The following NDUFA9 variants were observed in gnomAD, a reference collection of about 807,000 sequenced individuals.
The protein encoded by NDUFA9 is NADH dehydrogenase [ubiquinone] 1 alpha subcomplex subunit 9, mitochondrial.
In NDUFA9, 23 loss-of-function variants were observed where a neutral mutation model predicts 45.9. That is an observed-to-expected ratio of 0.50 (90% CI 0.36 to 0.71). The LOEUF (loss-of-function observed/expected upper bound fraction) is 0.71. Among genes scored for constraint, NDUFA9 ranks in the 30% least tolerant of loss-of-function variants. NDUFA9 has a pLI of 0.00. For missense variants in NDUFA9, 466 were observed against 488.2 expected (o/e 0.95, Z 0.43); for synonymous variants, 176 against 170.5 (o/e 1.03, Z -0.25).
rs1211563139 is a variant in NDUFA9 at position 4,691,237 on chromosome 12, C to T, written c.*4129C>T. ...AGATCATGCATGTAAAATGCTGAGC[C>T]CTGCACATAATAAGAACTAAGTAAA... On this transcript the variant is annotated 3_prime_UTR_variant, in exon 11 of 11. Coordinates refer to ENST00000266544, the MANE Select transcript of NDUFA9 (RefSeq NM_005002.5). 6.6e-6 allele frequency: 1 copy of T among 152,036 alleles called. No individual in the cohort carries two copies. The highest frequency in any genetic ancestry group is 1.9e-4 in the East Asian group (1 of 5,194). The allele number at this position is 152,036 out of a possible 1,614,324, so 9.4% of individuals were successfully genotyped here. A position where few individuals can be genotyped will look rare whatever the true frequency, so the allele number is the denominator to read the frequency against.
rs1946026827 is a variant in NDUFA9, at chr12:4,693,133, G to A, written c.*6025G>A. 1 of 152,052 alleles carries A rather than the reference G, an allele frequency of 6.6e-6. No homozygotes were observed. Among genetic ancestry groups the A allele is most frequent in the African/African-American group, 2.4e-5 (1 of 41,374 alleles). The allele number at this position is 152,052 out of a possible 1,614,324, so 9.4% of individuals were successfully genotyped here. A position where few individuals can be genotyped will look rare whatever the true frequency, so the allele number is the denominator to read the frequency against. ...AACCCCATCTCTTTAAAAAAATAAA[G>A]CACTTGAAGCAGAACTTTTTATCTG... On this transcript the variant is annotated 3_prime_UTR_variant, in exon 11 of 11. Coordinates refer to ENST00000266544, the MANE Select transcript of NDUFA9 (RefSeq NM_005002.5).
At chr12:4,649,478 A>T (rs1344537767) in intron 1 of NDUFA9, among the ~76,000 whole-genome samples, 1 of 151,794 alleles carries the variant, frequency 6.6e-6, no homozygotes, top group Admixed American at 6.6e-5. Flanking sequence ...GTAAGGGTTT[A>T]GGGTTATGAG....
chr12:4,663,240 T>C (rs922963745), intron 6 of NDUFA9, among the ~76,000 whole-genome samples: 4 of 152,166 alleles, frequency 2.6e-5, no homozygotes, highest in African/African-American at 9.7e-5. Context: ...ATTTAGATGT[T>C]TCTATCTTGT....
At chr12:4,673,817 A>G (rs1945902605) in intron 8 of NDUFA9, among the ~76,000 whole-genome samples, 1 of 152,136 alleles carries the variant, frequency 6.6e-6, no homozygotes, top group Non-Finnish European at 1.5e-5. Flanking sequence ...AATACAGAGA[A>G]CACCACAAAG....
chr12:4,684,193 G>A (rs559777040), intron 9 of NDUFA9, among the ~76,000 whole-genome samples: 5 of 152,258 alleles, frequency 3.3e-5, no homozygotes, highest in South Asian at 2.1e-4. Context: ...TTTTTCTGCC[G>A]TTGAGGAATC....
Position 4,684,519 on chromosome 12 carries a change from C to T in NDUFA9, c.897-740C>T, listed in dbSNP as rs1357073841. On this transcript the variant is annotated intron_variant, in intron 9 of 10. Coordinates refer to ENST00000266544, the MANE Select transcript of NDUFA9 (RefSeq NM_005002.5). ...GCACAGTGGTGTACACCTGTAGTCC[C>T]AGCTACTTGGGAGGCTGAAGTGGGA... 2.0e-5 allele frequency among the ~76,000 whole-genome samples: 3 copies of T among 152,290 alleles called. No individual in the cohort carries two copies. The East Asian group carries it at 5.8e-4, about 29-fold the overall frequency.
At chr12:4,653,903 T>C (rs11063285) in intron 1 of NDUFA9, among the ~76,000 whole-genome samples, 43,107 of 151,772 alleles carry the variant, frequency 0.28, 6,287 homozygotes, top group Middle Eastern at 0.41. Context: ...CTTTTTTTTT[T>C]CCTCTTTTAA....
chr12:4,666,429 CTTTTAG>C (rs1945853503), intron 6 of NDUFA9, among the ~76,000 whole-genome samples: 1 of 152,064 alleles, frequency 6.6e-6, no homozygotes, highest in African/African-American at 2.4e-5. Context: ...GTTGCCTGTG[CTTTTAG>C]TATTGTATCT....
At position 4,687,596 on chromosome 12, in the gene NDUFA9, C is replaced by T. The variant is rs2137490912; in HGVS notation, c.*488C>T. The T allele has an allele frequency of 6.6e-6, 1 of 152,332 alleles. No homozygotes were observed. Among genetic ancestry groups the T allele is most frequent in the South Asian group, 2.1e-4 (1 of 4,818 alleles). 9.4% of individuals were successfully genotyped at this position (152,332 alleles called of 1,614,324 possible). On this transcript the variant is annotated 3_prime_UTR_variant, in exon 11 of 11. Coordinates refer to ENST00000266544, the MANE Select transcript of NDUFA9 (RefSeq NM_005002.5). The stretch of plus-strand genomic sequence containing the variant: ...AAATAGTAGTACATATATAGAAAAA[C>T]ATTGTCCATAGATTCTCAAACCCCT...
intron 6 of NDUFA9, 38 bp downstream of exon 6, chr12:4,662,673 T>C (rs1239277044): frequency 2.7e-6 from 4 of 1,500,226 alleles, no homozygotes; most frequent in Non-Finnish European, 3.7e-6. Context: ...AGAGGGATAC[T>C]GATTAACCAA....
intron 3 of NDUFA9, among the ~76,000 whole-genome samples, chr12:4,656,320 G>A (rs1479338109): frequency 2.0e-5 from 3 of 152,108 alleles, no homozygotes; most frequent in Non-Finnish European, 4.4e-5. Flanking sequence ...TGTCCCTCAA[G>A]TTTGTTGGTC....
intron 5 of NDUFA9, among the ~76,000 whole-genome samples, chr12:4,659,437 T>C (rs935926723): frequency 2.6e-5 from 4 of 152,210 alleles, no homozygotes; most frequent in African/African-American, 9.6e-5. Flanking sequence ...TTAAAGTTTC[T>C]TTGGGGCATC....
At position 4,687,155 on chromosome 12, in the gene NDUFA9, T is replaced by G. The variant is rs772470061; in HGVS notation, c.*47T>G. On this transcript the variant is annotated 3_prime_UTR_variant, in exon 11 of 11. Transcript: ENST00000266544. ...TTTTGGCGTCTTTTGGGTCGGCCCA[T>G]GTGGTTTGAGCACCCAGCCAGGCGG... 1 of 1,594,472 alleles carries G rather than the reference T, an allele frequency of 6.3e-7. No individual in the cohort carries two copies. The highest frequency in any genetic ancestry group is 8.6e-7 in the Non-Finnish European group (1 of 1,167,616).
At chr12:4,650,999 A>G (rs1235757062) in intron 1 of NDUFA9, among the ~76,000 whole-genome samples, 1 of 152,230 alleles carries the variant, frequency 6.6e-6, no homozygotes, top group Non-Finnish European at 1.5e-5. Flanking sequence ...GGAAATATAA[A>G]TTAGAACTCC....
At chr12:4,664,144 G>A (rs7977127) in intron 6 of NDUFA9, among the ~76,000 whole-genome samples, 130,919 of 152,274 alleles carry the variant, frequency 0.86, 56,372 homozygotes, top group Middle Eastern at 0.93. Context: ...AAAAGGAACC[G>A]GAACCTGAAG....
rs190837666 is a variant in NDUFA9 at position 4,659,140 on chromosome 12, C to T, written c.515C>T (p.Ala172Val). 2.0e-4 allele frequency: 327 copies of T among 1,610,542 alleles called. No homozygotes were observed. The highest frequency in any genetic ancestry group is 2.7e-4 in the Non-Finnish European group (315 of 1,176,962). ...EKFIHVSHLN[A>V]NIKSSSRYLR... ...TTCATTCATGTTTCACATCTGAATGCGAATATTAAAAGCTCTTCTAGATAT... is the reference window on the plus strand; with the variant it reads ...TTCATTCATGTTTCACATCTGAATGTGAATATTAAAAGCTCTTCTAGATAT... Residue 172 changes from alanine (A) to valine (V), a missense_variant, in exon 5 of 11, where the codon GCG becomes GTG. Coordinates refer to ENST00000266544, the MANE Select transcript of NDUFA9 (RefSeq NM_005002.5).
At chr12:4,685,907 C>T (rs1045990078) in intron 10 of NDUFA9, among the ~76,000 whole-genome samples, 5 of 152,180 alleles carry the variant, frequency 3.3e-5, no homozygotes, top group Admixed American at 6.5e-5. Flanking sequence ...CCACATCTAC[C>T]TTGGAAGACC....
chr12:4,679,501 A>G (rs1945940253), intron 8 of NDUFA9, among the ~76,000 whole-genome samples: 1 of 152,240 alleles, frequency 6.6e-6, no homozygotes, highest in Non-Finnish European at 1.5e-5. Flanking sequence ...AATAATTAAA[A>G]TAAATGACCG....
intron 8 of NDUFA9, among the ~76,000 whole-genome samples, chr12:4,679,622 TTAATG>T (rs1591549776): frequency 6.6e-6 from 1 of 152,340 alleles, no homozygotes; most frequent in East Asian, 1.9e-4. Context: ...CATGGTCACC[TTAATG>T]ACCTCATTTG....
Sources: gnomAD v4.1 joint callset for allele counts (sites outside exome capture counted in the v4.1 genomes callset) on GRCh38, gnomAD v4.1.1 for gene constraint, MANE v1.5 for transcripts, NCBI Gene and HGNC (gene_info 2026-07-23, HGNC 2026-07-21) for gene names.